PHF3: variants seen among roughly 807,000 people sequenced by gnomAD.
The protein encoded by PHF3 is PHD finger protein 3.
In PHF3, 41 loss-of-function variants were observed where a neutral mutation model predicts 178.4. That is an observed-to-expected ratio of 0.23 (90% CI 0.18 to 0.30). PHF3 has a LOEUF of 0.30. Among genes scored for constraint, PHF3 ranks in the 10% least tolerant of loss-of-function variants. The probability of loss-of-function intolerance (pLI) is 1.00; values close to 1 mark genes in which losing one functional copy is unlikely to be tolerated. For missense variants in PHF3, 2,346 were observed against 2,398.1 expected (o/e 0.98, Z 0.45); for synonymous variants, 842 against 800.5 (o/e 1.05, Z -0.88).
rs1000326426 is a variant in PHF3, at chr6:63,672,080, G to A, written c.245-7920G>A. ...ATGGTCTCAATCTTCTGACCTTGTC[G>A]TCTGTCCGCCTCAGCCTCCCAAAGT... is the stretch of plus-strand genomic sequence containing the variant. On this transcript the variant is annotated intron_variant, in intron 2 of 15. Transcript: ENST00000262043. Among the ~76,000 whole-genome samples the A allele has an allele frequency of 6.6e-5, 10 of 151,894 alleles. 1 individual carries two copies. The South Asian group carries it at 1.7e-3, about 25-fold the overall frequency.
intron 9 of PHF3, among the ~76,000 whole-genome samples, chr6:63,701,825 A>C (rs1213178347): frequency 1.3e-5 from 2 of 152,186 alleles, no homozygotes; most frequent in Non-Finnish European, 2.9e-5. Flanking sequence ...GGCTGCGAGT[A>C]ACATCTGTAT....
intron 1 of PHF3, among the ~76,000 whole-genome samples, chr6:63,640,425 C>G (rs543246943): frequency 6.6e-6 from 1 of 152,088 alleles, no homozygotes; most frequent in South Asian, 2.1e-4. Context: ...AACTTTAGCC[C>G]CTCTCTTGTA....
At position 63,706,884 on chromosome 6, in the gene PHF3, G is replaced by C; in HGVS notation, c.3711+8G>C. Reference sequence around the variant, plus strand: ...CCAGAATACCTGACAGAGGTACTGTGAACTTTTCTGCTTTTCTGTGCATGA... The same window carrying C: ...CCAGAATACCTGACAGAGGTACTGTCAACTTTTCTGCTTTTCTGTGCATGA... On this transcript the variant is annotated splice_region_variant and intron_variant, in intron 13 of 15. Coordinates refer to ENST00000262043, the MANE Select transcript of PHF3 (RefSeq NM_001370348.2). 1 of 1,612,170 alleles carries C rather than the reference G, an allele frequency of 6.2e-7. No individual in the cohort carries two copies. The highest frequency in any genetic ancestry group is 8.5e-7 in the Non-Finnish European group (1 of 1,179,280).
At position 63,684,153 on chromosome 6, in the gene PHF3, G is replaced by GCA; in HGVS notation, c.433_434dup (p.Ile146LeufsTer11). On this transcript the variant is annotated frameshift_variant, in exon 4 of 16. Coordinates refer to ENST00000262043, the MANE Select transcript of PHF3 (RefSeq NM_001370348.2). LOFTEE classifies it high-confidence loss of function. ...GAACAAGTAAGAAGTTTGCGACAGA[G>GCA]CACTATTGCCAAGCGTTCAAATGCA... The GCA allele has an allele frequency of 6.2e-7, 1 of 1,610,562 alleles. No homozygotes were observed. Among genetic ancestry groups the GCA allele is most frequent in the Non-Finnish European group, 8.5e-7 (1 of 1,178,864 alleles).
rs1767953307 is a variant in PHF3 at position 63,712,108 on chromosome 6, T to C, written c.4520T>C (p.Ile1507Thr). 1.2e-6 allele frequency: 2 copies of C among 1,613,482 alleles called. No individual in the cohort carries two copies. The highest frequency in any genetic ancestry group is 2.7e-5 in the African/African-American group (2 of 74,952). ...TTAAATGAGCAGACCAACTCAAAAA[T>C]AGAGAAAACAGATAATGTGGAAGTA... ...PFLNEQTNSK[I>T]EKTDNVEVTD... The change falls in exon 16 of 16, where the codon ATA (isoleucine) becomes ACA (threonine). Residue 1507 changes from isoleucine to threonine, a missense_variant. Physicochemically the swap from Ile to Thr is moderately conservative, Grantham distance 89. Coordinates refer to ENST00000262043, the MANE Select transcript of PHF3 (RefSeq NM_001370348.2).
At chr6:63,639,585 A>G (rs1248153702) in intron 1 of PHF3, among the ~76,000 whole-genome samples, 1 of 152,164 alleles carries the variant, frequency 6.6e-6, no homozygotes, top group Non-Finnish European at 1.5e-5. Flanking sequence ...TGCATTATAG[A>G]GTGTAAAAGT....
At chr6:63,653,350 G>A (rs1380540044) in intron 2 of PHF3, among the ~76,000 whole-genome samples, 1 of 151,726 alleles carries the variant, frequency 6.6e-6, no homozygotes, top group African/African-American at 2.4e-5. Context: ...ATTTTTTGAT[G>A]TGTGTTCTCT....
chr6:63,684,876 A>T lies in PHF3; in HGVS notation c.1154A>T (p.Asp385Val). ...LELKDTMGIA[D>V]KTENTLERNK... ...TTGAAGGATACCATGGGTATTGCTG[A>T]TAAAACTGAGAACACCCTTGAAAGA... Residue 385 changes from aspartate to valine, a missense_variant, in exon 4 of 16, where the codon GAT becomes GTT. Asp to Val is a radical substitution (Grantham distance 152). Transcript: ENST00000262043. 6.2e-7 allele frequency: 1 copy of T among 1,614,108 alleles called. No individual in the cohort carries two copies.
In PHF3 at chr6:63,718,992, A is replaced by G. The variant is rs1256209368; in HGVS notation, c.*5284A>G. The stretch of plus-strand genomic sequence containing the variant: ...CCAGTTTAGGTCACAGTTTTTCAGC[A>G]AAATTTGATGGAGTTGTTTTAAGTG... On this transcript the variant is annotated 3_prime_UTR_variant, in exon 16 of 16. Coordinates refer to ENST00000262043, the MANE Select transcript of PHF3 (RefSeq NM_001370348.2). 6.6e-6 allele frequency among the ~76,000 whole-genome samples: 1 copy of G among 152,060 alleles called. No homozygotes were observed. Among genetic ancestry groups the G allele is most frequent in the Non-Finnish European group, 1.5e-5 (1 of 67,942 alleles).
chr6:63,675,602 T>C (rs115423384), intron 2 of PHF3, among the ~76,000 whole-genome samples: 1,815 of 152,236 alleles, frequency 0.012, 31 homozygotes, highest in African/African-American at 0.042. Flanking sequence ...AGGAAGTGTG[T>C]TGTCAGGAGG....
intron 9 of PHF3, 130 bp downstream of exon 9, chr6:63,700,596 T>C (rs1403172521): frequency 4.2e-5 from 23 of 549,000 alleles, no homozygotes; most frequent in Non-Finnish European, 6.3e-5. Context: ...ATGCTTCTTT[T>C]TTTTTTGAGA....
At chr6:63,657,115 C>T (rs1024599217) in intron 2 of PHF3, among the ~76,000 whole-genome samples, 2 of 152,102 alleles carry the variant, frequency 1.3e-5, no homozygotes, top group Admixed American at 6.6e-5. Flanking sequence ...GTGCTTTTTA[C>T]GTATTTCTTG....
At position 63,720,257 on chromosome 6, in the gene PHF3, A is replaced by G; in HGVS notation, c.*6549A>G. 3.0e-6 allele frequency: 1 copy of G among 336,020 alleles called. No homozygotes were observed. The highest frequency in any genetic ancestry group is 5.4e-6 in the Non-Finnish European group (1 of 185,742). The allele number at this position is 336,020 out of a possible 1,614,324, so 20.8% of individuals were successfully genotyped here. On this transcript the variant is annotated 3_prime_UTR_variant, in exon 16 of 16. Coordinates refer to ENST00000262043, the MANE Select transcript of PHF3 (RefSeq NM_001370348.2). ...AAACATTTTAAAGTTCAGCTTACAC[A>G]TTGATTTTTAAAATTGTGTTTACAC... is the stretch of plus-strand genomic sequence containing the variant.
At chr6:63,692,195 A>C in intron 5 of PHF3, 152 bp downstream of exon 5, 1 of 644,694 alleles carries the variant, frequency 1.6e-6, no homozygotes, top group Non-Finnish European at 2.6e-6. Flanking sequence ...TTTTATTTAA[A>C]ATTTTTTGTC....
At chr6:63,640,916 C>G (rs1764544701) in intron 1 of PHF3, among the ~76,000 whole-genome samples, 1 of 152,058 alleles carries the variant, frequency 6.6e-6, no homozygotes, top group Non-Finnish European at 1.5e-5. Flanking sequence ...AAATAGTACC[C>G]TTTCCAGTTG....
chr6:63,692,181 A>T (rs1767037619), intron 5 of PHF3, 138 bp downstream of exon 5: 3 of 688,522 alleles, frequency 4.4e-6, no homozygotes, highest in East Asian at 2.9e-5. Context: ...GAAAGTGAAT[A>T]GGTTTTTATT....
Position 63,684,961 on chromosome 6 carries a change from C to T in PHF3, c.1239C>T (p.Ser413=). The change falls in exon 4 of 16, where the codon AGC becomes AGT. Residue 413 remains serine (S), a synonymous_variant. Transcript: ENST00000262043. ...CGGAGTCTAATAGGCAGTTGGAGAG[C>T]ACTGAGTTTAATAAATCAAACTTAG... is the stretch of plus-strand genomic sequence containing the variant. ...EDAESNRQLE[S]TEFNKSNLEV... 1.9e-6 allele frequency: 3 copies of T among 1,613,826 alleles called. No individual in the cohort carries two copies. Among genetic ancestry groups the T allele is most frequent in the Non-Finnish European group, 2.5e-6 (3 of 1,179,778 alleles).
rs1582140158 is a variant in PHF3, at chr6:63,721,348, T to C, written c.*7640T>C. The stretch of plus-strand genomic sequence containing the variant: ...GGCAAACATCTGCAAGAAAAAGTTG[T>C]GCCATTTACTGTACATTCACCTCCA... On this transcript the variant is annotated 3_prime_UTR_variant, in exon 16 of 16. Transcript: ENST00000262043. 1 of 1,551,946 alleles carries C rather than the reference T, an allele frequency of 6.4e-7. No homozygotes were observed. The highest frequency in any genetic ancestry group is 1.4e-5 in the African/African-American group (1 of 73,160).
At chr6:63,664,236 C>T (rs939830208) in intron 2 of PHF3, among the ~76,000 whole-genome samples, 1 of 152,166 alleles carries the variant, frequency 6.6e-6, no homozygotes. Context: ...GCACATCCTG[C>T]CTCACTTGTC....
Sources: allele counts gnomAD v4.1 joint callset (sites outside exome capture counted in the v4.1 genomes callset), GRCh38; gene constraint gnomAD v4.1.1; transcripts MANE v1.5; gene names NCBI Gene and HGNC (gene_info 2026-07-23, HGNC 2026-07-21).